Variants in PLEKHG7 observed in about 807,000 individuals in gnomAD.
PLEKHG7 encodes the protein pleckstrin homology and RhoGEF domain containing G7, also known as pleckstrin homology domain-containing family G member 7.
PLEKHG7 carries 77 observed loss-of-function variants against 85.2 expected under a neutral mutation model. The observed-to-expected ratio is 0.90, with a 90% confidence interval of 0.75 to 1.09. The LOEUF (loss-of-function observed/expected upper bound fraction) is 1.09, where lower values mean the gene tolerates loss of function less well. Among genes scored for constraint, PLEKHG7 ranks in the 50% least tolerant of loss-of-function variants. The probability of loss-of-function intolerance (pLI) is 0.00; values close to 1 mark genes in which losing one functional copy is unlikely to be tolerated. For synonymous variants in PLEKHG7, 301 were observed against 302.4 expected, an observed-to-expected ratio of 1.00 and a Z score of 0.05; for missense variants, 777 against 804.3, an observed-to-expected ratio of 0.97 and a Z score of 0.41.
Position 92,771,462 on chromosome 12 carries a change from A to G in PLEKHG7, c.*1267A>G, listed in dbSNP as rs931360004. On this transcript the variant is annotated 3_prime_UTR_variant, in exon 17 of 17. Coordinates refer to ENST00000344636, the MANE Select transcript of PLEKHG7 (RefSeq NM_001377329.1). ...GAATGGAGACTAATAACCTCTTTATAATAATGTCAGAAATTTAATAGAAGA... is the reference window on the plus strand; with the variant it reads ...GAATGGAGACTAATAACCTCTTTATGATAATGTCAGAAATTTAATAGAAGA... 6.6e-5 allele frequency: 10 copies of G among 152,064 alleles called. No individual in the cohort carries two copies. The highest frequency in any genetic ancestry group is 2.4e-4 in the African/African-American group (10 of 41,446). The allele number at this position is 152,064 out of a possible 1,614,324, so 9.4% of individuals were successfully genotyped here.
At chr12:92,729,876 C>T (rs1024484329) in intron 4 of PLEKHG7, among the ~76,000 whole-genome samples, 1 of 152,204 alleles carries the variant, frequency 6.6e-6, no homozygotes, top group South Asian at 2.1e-4. Context: ...ACCTCCAAGG[C>T]ATCCCCAGGA....
intron 10 of PLEKHG7, among the ~76,000 whole-genome samples, chr12:92,751,664 A>G (rs1592685334): frequency 6.7e-6 from 1 of 149,376 alleles, no homozygotes; most frequent in East Asian, 2.1e-4. Flanking sequence ...ATGAGCCACC[A>G]CGCCCGGCCA....
intron 3 of PLEKHG7, among the ~76,000 whole-genome samples, chr12:92,717,991 T>A (rs1416328724): frequency 6.6e-6 from 1 of 152,210 alleles, no homozygotes; most frequent in Non-Finnish European, 1.5e-5. Context: ...TTATCCTTTC[T>A]AAAATTTTCT....
chr12:92,761,405 T>A (rs557782126), intron 13 of PLEKHG7, among the ~76,000 whole-genome samples: 13 of 152,152 alleles, frequency 8.5e-5, no homozygotes, highest in African/African-American at 3.1e-4. Context: ...AAGCTTGGCC[T>A]CTCATCAAGT....
At position 92,754,267 on chromosome 12, in the gene PLEKHG7, A is replaced by G; in HGVS notation, c.1426+3A>G. On this transcript the variant is annotated splice_donor_region_variant and intron_variant, in intron 11 of 16. Coordinates refer to ENST00000344636, the MANE Select transcript of PLEKHG7 (RefSeq NM_001377329.1). ...GGAAAAGGTGGAAAAGTCCATCCGT[A>G]AGTCCCTGAGATAAGTGAGCTTAAT... 6.2e-7 allele frequency: 1 copy of G among 1,613,290 alleles called. No individual in the cohort carries two copies.
At position 92,706,757 on chromosome 12, in the gene PLEKHG7, A is replaced by C. The variant is rs200502443; in HGVS notation, c.126A>C (p.Pro42=). ...GSLLQFDRQA[P]GRISTSPTLR... Reference sequence around the variant, plus strand: ...TCCTCCAGTTTGACCGGCAAGCCCCAGGCCGCATCTCCACCTCGCCCACTT... The same window carrying C: ...TCCTCCAGTTTGACCGGCAAGCCCCCGGCCGCATCTCCACCTCGCCCACTT... The change falls in exon 2 of 17, where the codon CCA becomes CCC. Residue 42 remains proline, a synonymous_variant. Coordinates refer to ENST00000344636, the MANE Select transcript of PLEKHG7 (RefSeq NM_001377329.1). 2.4e-4 allele frequency: 395 copies of C among 1,613,962 alleles called. No homozygotes were observed. The highest frequency in any genetic ancestry group is 3.1e-4 in the Non-Finnish European group (369 of 1,180,028).
chr12:92,759,438 G>T (rs1565796902), intron 13 of PLEKHG7, among the ~76,000 whole-genome samples: 1 of 152,208 alleles, frequency 6.6e-6, no homozygotes, highest in Non-Finnish European at 1.5e-5. Context: ...AGGTTTGAAG[G>T]TTGCTGTGGA....
intron 3 of PLEKHG7, among the ~76,000 whole-genome samples, chr12:92,714,378 C>T (rs770979199): frequency 2.0e-5 from 3 of 152,184 alleles, no homozygotes; most frequent in East Asian, 1.9e-4. Flanking sequence ...GCTTCATCAG[C>T]GTCCTCCCGG....
chr12:92,718,150 A>G (rs994213324), intron 3 of PLEKHG7, among the ~76,000 whole-genome samples: 1 of 152,190 alleles, frequency 6.6e-6, no homozygotes, highest in African/African-American at 2.4e-5. Flanking sequence ...ATACTAGAGG[A>G]GAAGACTCTG....
chr12:92,713,144 A>G (rs956641707), intron 3 of PLEKHG7, among the ~76,000 whole-genome samples: 3 of 152,200 alleles, frequency 2.0e-5, no homozygotes, highest in Admixed American at 2.0e-4. Flanking sequence ...AAGATTCACT[A>G]CATAAATTGT....
At chr12:92,761,666 GAAAGAAAGAAAGAAAGA>G in intron 13 of PLEKHG7, 69 bp from the exon 14 acceptor site, 2 of 1,341,058 alleles carry the variant, frequency 1.5e-6, no homozygotes, top group Non-Finnish European at 1.9e-6. Flanking sequence ...AAGAAAGAAA[GAAAGAAAGAAAGAAAGA>G]AAGGGAAAGA....
At chr12:92,754,516 A>G (rs1872774983) in intron 11 of PLEKHG7, among the ~76,000 whole-genome samples, 1 of 152,226 alleles carries the variant, frequency 6.6e-6, no homozygotes, top group Non-Finnish European at 1.5e-5. Flanking sequence ...CAAGTGTTTC[A>G]GAAGTGAGTT....
At chr12:92,707,974 G>A in intron 3 of PLEKHG7, 2 of 426,754 alleles carry the variant, frequency 4.7e-6, no homozygotes, top group Non-Finnish European at 8.4e-6. Context: ...GGTTTTGTCT[G>A]GTAGAGAAAA....
At chr12:92,740,068 A>G (rs1301139539) in intron 7 of PLEKHG7, among the ~76,000 whole-genome samples, 1 of 152,212 alleles carries the variant, frequency 6.6e-6, no homozygotes, top group Admixed American at 6.5e-5. Context: ...CATTACACTA[A>G]TGAAATAATA....
intron 3 of PLEKHG7, among the ~76,000 whole-genome samples, chr12:92,715,602 G>A (rs1871462535): frequency 1.3e-5 from 2 of 151,062 alleles, no homozygotes; most frequent in Non-Finnish European, 2.9e-5. Flanking sequence ...TGTTCAAAGA[G>A]CCCACTTCCT....
At chr12:92,725,622 A>C (rs186625448) in intron 3 of PLEKHG7, among the ~76,000 whole-genome samples, 134 of 152,334 alleles carry the variant, frequency 8.8e-4, no homozygotes, top group African/African-American at 2.8e-3. Flanking sequence ...TTTATAACTG[A>C]AAATGAACTT....
At chr12:92,707,792 T>C in intron 3 of PLEKHG7, 120 bp downstream of exon 3, 1 of 1,541,798 alleles carries the variant, frequency 6.5e-7, no homozygotes, top group Admixed American at 1.8e-5. Flanking sequence ...CTTTGTTTTA[T>C]AGCACTCAAG....
intron 3 of PLEKHG7, among the ~76,000 whole-genome samples, chr12:92,716,183 G>A (rs1871488212): frequency 6.6e-6 from 1 of 152,014 alleles, no homozygotes; most frequent in Non-Finnish European, 1.5e-5. Context: ...TGAAATCTCT[G>A]CCTCCTGGGT....
chr12:92,734,044 C>T (rs977974786), intron 5 of PLEKHG7, among the ~76,000 whole-genome samples: 1 of 152,192 alleles, frequency 6.6e-6, no homozygotes, highest in African/African-American at 2.4e-5. Context: ...TGGACGTTTT[C>T]AGCAAATGTT....
Sources: gnomAD v4.1 joint callset for allele counts (sites outside exome capture counted in the v4.1 genomes callset) on GRCh38, gnomAD v4.1.1 for gene constraint, MANE v1.5 for transcripts, NCBI Gene and HGNC (gene_info 2026-07-23, HGNC 2026-07-21) for gene names.